KLHL29: variants seen among roughly 807,000 people sequenced by gnomAD.
KLHL29 encodes the protein kelch-like protein 29.
Under a neutral mutation model 80.4 loss-of-function variants are expected in KLHL29, and 21 were observed. The observed-to-expected ratio is 0.26, with a 90% CI of 0.19 to 0.38. KLHL29 has a LOEUF of 0.38. Ranked by LOEUF, KLHL29 falls within the 10% of genes least tolerant of loss-of-function variation. KLHL29 has a pLI of 1.00. For synonymous variants in KLHL29, 511 were observed against 526.8 expected, an observed-to-expected ratio of 0.97 and a Z score of 0.41; for missense variants, 867 against 1,223.9, an observed-to-expected ratio of 0.71 and a Z score of 4.35.
At chr2:23,671,105 T>C (rs911286210) in intron 5 of KLHL29, among the ~76,000 whole-genome samples, 1 of 150,840 alleles carries the variant, frequency 6.6e-6, no homozygotes, top group Non-Finnish European at 1.5e-5. Flanking sequence ...GCTCCTGGCA[T>C]CTGGGGTTTC....
At chr2:23,529,754 C>T (rs975646877) in intron 2 of KLHL29, among the ~76,000 whole-genome samples, 2 of 152,236 alleles carry the variant, frequency 1.3e-5, no homozygotes, top group Non-Finnish European at 2.9e-5. Flanking sequence ...CCTCCACCTG[C>T]GGGCTGGCTC....
intron 3 of KLHL29, among the ~76,000 whole-genome samples, chr2:23,615,086 G>A (rs905703647): frequency 2.6e-5 from 4 of 152,148 alleles, no homozygotes; most frequent in Admixed American, 6.5e-5. Flanking sequence ...CTTCTTCCAC[G>A]TCCTATCCAG....
At chr2:23,422,406 T>A (rs891543477) in intron 1 of KLHL29, among the ~76,000 whole-genome samples, 4 of 151,698 alleles carry the variant, frequency 2.6e-5, no homozygotes, top group African/African-American at 9.7e-5. Context: ...TATGCCTATG[T>A]GTCTGTGTTG....
intron 3 of KLHL29, among the ~76,000 whole-genome samples, chr2:23,614,892 G>A (rs1165675391): frequency 6.6e-6 from 1 of 152,204 alleles, no homozygotes; most frequent in Non-Finnish European, 1.5e-5. Context: ...GCCCCCAAGA[G>A]AGGGGCGCCC....
chr2:23,686,302 C>T (rs1314293152), intron 6 of KLHL29, among the ~76,000 whole-genome samples: 2 of 151,996 alleles, frequency 1.3e-5, no homozygotes, highest in African/African-American at 4.8e-5. Context: ...GGATGTGTCT[C>T]GGTGGCCCTC....
Position 23,693,473 on chromosome 2 carries a change from T to A in KLHL29, c.1487T>A (p.Leu496Gln). Residue 496 changes from leucine (L) to glutamine (Q), a missense_variant, in exon 8 of 14, where the codon CTG becomes CAG. Leu to Gln is a moderately radical substitution (Grantham distance 113, BLOSUM62 -2). Transcript: ENST00000486442. ...AGCCTCAACACCAAGGCTGAGGAGCTGGTGTACGAGACAGTCATCAAGTGG... is the reference window on the plus strand; with the variant it reads ...AGCCTCAACACCAAGGCTGAGGAGCAGGTGTACGAGACAGTCATCAAGTGG... The part of the protein sequence containing the change: ...NDSLNTKAEE[L>Q]VYETVIKWIK... 1 of 1,551,702 alleles carries A rather than the reference T, an allele frequency of 6.4e-7. No homozygotes were observed. The highest frequency in any genetic ancestry group is 8.7e-7 in the Non-Finnish European group (1 of 1,146,980).
intron 2 of KLHL29, among the ~76,000 whole-genome samples, chr2:23,543,487 G>C (rs180942230): frequency 7.2e-5 from 11 of 152,114 alleles, no homozygotes; most frequent in Non-Finnish European, 1.6e-4. Context: ...TTCTTCTCCC[G>C]GATATTCCCT....
At chr2:23,455,010 G>T (rs111371151) in intron 1 of KLHL29, among the ~76,000 whole-genome samples, 5 of 141,500 alleles carry the variant, frequency 3.5e-5, no homozygotes, top group Middle Eastern at 3.6e-3. Flanking sequence ...TTGGGGGGGG[G>T]GCATTTATTT....
At chr2:23,436,570 G>T (rs1053470288) in intron 1 of KLHL29, among the ~76,000 whole-genome samples, 2 of 152,030 alleles carry the variant, frequency 1.3e-5, no homozygotes, top group South Asian at 4.1e-4. Context: ...GGATCTGCTG[G>T]GCGGCTCTTG....
Position 23,702,323 on chromosome 2 carries a change from C to T in KLHL29, c.2106-863C>T, listed in dbSNP as rs187237038. ...AACATGCTCTGAACACTTACATTAGCCTACAGCTGGGCAAAAGCATCTAAC... is the reference window on the plus strand; with the variant it reads ...AACATGCTCTGAACACTTACATTAGTCTACAGCTGGGCAAAAGCATCTAAC... On this transcript the variant is annotated intron_variant, in intron 11 of 13. Transcript: ENST00000486442. Among the ~76,000 whole-genome samples the T allele has an allele frequency of 2.2e-3, 338 of 152,286 alleles. 2 individuals carry two copies. Among genetic ancestry groups the T allele is most frequent in the African/African-American group, 7.9e-3 (329 of 41,550 alleles).
intron 5 of KLHL29, among the ~76,000 whole-genome samples, chr2:23,683,214 C>T (rs1671140896): frequency 6.6e-6 from 1 of 152,222 alleles, no homozygotes. Context: ...GGAGCAGGGG[C>T]GATGGCCGGT....
At chr2:23,522,803 C>T (rs552672470) in intron 2 of KLHL29, among the ~76,000 whole-genome samples, 3 of 152,066 alleles carry the variant, frequency 2.0e-5, no homozygotes, top group East Asian at 3.9e-4. Flanking sequence ...TCTACCACCT[C>T]CAGGCCAGGC....
chr2:23,436,435 G>A (rs17710394), intron 1 of KLHL29, among the ~76,000 whole-genome samples: 66,772 of 150,556 alleles, frequency 0.44, 15,631 homozygotes, highest in African/African-American at 0.6. Flanking sequence ...TCTTAATTGT[G>A]TGGTGATAGC....
intron 3 of KLHL29, among the ~76,000 whole-genome samples, chr2:23,631,761 C>T (rs1669474729): frequency 6.6e-6 from 1 of 152,184 alleles, no homozygotes; most frequent in Admixed American, 6.5e-5. Flanking sequence ...TTTGGTGGCT[C>T]TCAACGTGTC....
At chr2:23,544,417 A>T (rs2103485337) in intron 2 of KLHL29, among the ~76,000 whole-genome samples, 1 of 152,292 alleles carries the variant, frequency 6.6e-6, no homozygotes, top group South Asian at 2.1e-4. Flanking sequence ...CAATTGCTTG[A>T]GCTTTCTGTG....
At chr2:23,587,994 A>G (rs968170137) in intron 3 of KLHL29, among the ~76,000 whole-genome samples, 1 of 152,144 alleles carries the variant, frequency 6.6e-6, no homozygotes, top group African/African-American at 2.4e-5. Flanking sequence ...TTATTTCTAA[A>G]AAGTCCTCTC....
chr2:23,593,936 G>T lies in KLHL29; in HGVS notation c.285+31455G>T, dbSNP rs815350. Among the ~76,000 whole-genome samples, 835 of 152,164 alleles carry T rather than the reference G, an allele frequency of 5.5e-3. 6 individuals are homozygous for T. The highest frequency in any genetic ancestry group is 0.019 in the African/African-American group (797 of 41,514). On this transcript the variant is annotated intron_variant, in intron 3 of 13. Transcript: ENST00000486442. The stretch of plus-strand genomic sequence containing the variant: ...CTCCCTCCCTGATTACACAGAGCCC[G>T]GGCCTGGGAGAAGGGTCTGATCATT...
intron 2 of KLHL29, among the ~76,000 whole-genome samples, chr2:23,511,150 G>A (rs1051244262): frequency 1.3e-5 from 2 of 152,018 alleles, no homozygotes; most frequent in Admixed American, 6.6e-5. Flanking sequence ...AAGTTTCTAG[G>A]GCATTTGATA....
chr2:23,480,775 T>C (rs1423816022), intron 2 of KLHL29, among the ~76,000 whole-genome samples: 1 of 152,204 alleles, frequency 6.6e-6, no homozygotes, highest in African/African-American at 2.4e-5. Context: ...GGCTATGTTG[T>C]ACTATGTTCA....
Sources: gnomAD v4.1 joint callset for allele counts (sites outside exome capture counted in the v4.1 genomes callset) on GRCh38, gnomAD v4.1.1 for gene constraint, MANE v1.5 for transcripts, NCBI Gene and HGNC (gene_info 2026-07-23, HGNC 2026-07-21) for gene names.